IGF2BP3: variants seen among roughly 807,000 people sequenced by gnomAD.
IGF2BP3 encodes the protein insulin like growth factor 2 mRNA binding protein 3.
Under a neutral mutation model 73.8 loss-of-function variants are expected in IGF2BP3, and 9 were observed. The ratio of observed to expected loss-of-function variants is 0.12; its 90% CI spans 0.07 to 0.21. The LOEUF is 0.21. Among genes scored for constraint, IGF2BP3 ranks in the 10% least tolerant of loss-of-function variants. The probability of loss-of-function intolerance (pLI) is 1.00; values close to 1 mark genes in which losing one functional copy is unlikely to be tolerated. For missense variants in IGF2BP3, 542 were observed against 714.0 expected, an observed-to-expected ratio of 0.76 and a Z score of 2.75; for synonymous variants, 258 against 256.7, an observed-to-expected ratio of 1.01 and a Z score of -0.05.
chr7:23,451,865 T>C (rs1156397176), intron 2 of IGF2BP3, among the ~76,000 whole-genome samples: 1 of 150,658 alleles, frequency 6.6e-6, no homozygotes, highest in Non-Finnish European at 1.5e-5. Context: ...GGAGAATCAC[T>C]TGAACACGGG....
chr7:23,319,216 A>G lies in IGF2BP3; in HGVS notation c.1242T>C (p.Ala414=), dbSNP rs201829652. The G allele has an allele frequency of 1.9e-4, 310 of 1,613,594 alleles. No individual in the cohort carries two copies. The highest frequency in any genetic ancestry group is 2.5e-4 in the Non-Finnish European group (299 of 1,179,790). Residue 414 remains alanine (A), a synonymous_variant, in exon 11 of 15, where the codon GCT becomes GCC. Coordinates refer to ENST00000258729, the MANE Select transcript of IGF2BP3 (RefSeq NM_006547.3). The part of the protein sequence containing the change: ...ETETVHLFIP[A]LSVGAIIGKQ... ...TGCCGATGATGGCACCGACTGATAG[A>G]GCTGGGATAAACAGATGAACAGTCT...
intron 2 of IGF2BP3, among the ~76,000 whole-genome samples, chr7:23,448,314 T>G (rs748126443): frequency 6.6e-6 from 1 of 152,242 alleles, no homozygotes; most frequent in Admixed American, 6.5e-5. Flanking sequence ...AGAACTTAAG[T>G]GTATCGATAG....
chr7:23,399,168 T>C (rs1337947620), intron 3 of IGF2BP3, among the ~76,000 whole-genome samples: 1 of 152,104 alleles, frequency 6.6e-6, no homozygotes, highest in Non-Finnish European at 1.5e-5. Flanking sequence ...AAATAGGGAA[T>C]CCTTTCCCCA....
chr7:23,316,535 C>CGTGGG, intron 12 of IGF2BP3, among the ~76,000 whole-genome samples: 1 of 151,970 alleles, frequency 6.6e-6, no homozygotes, highest in Admixed American at 6.6e-5. Flanking sequence ...ATTGGCTGGG[C>CGTGGG]GTGGCGGCAC....
intron 3 of IGF2BP3, among the ~76,000 whole-genome samples, chr7:23,384,335 G>T (rs1288535127): frequency 2.0e-5 from 3 of 151,962 alleles, no homozygotes; most frequent in African/African-American, 7.3e-5. Flanking sequence ...ATATCTGAAG[G>T]GTGCAGAATT....
rs1584052707 is a variant in IGF2BP3 at position 23,445,497 on chromosome 7, A to ATTACTTAGTATGACTAAGTAAAACTACTT, written c.236+22956_236+22984dup. The stretch of plus-strand genomic sequence containing the variant: ...GGGTGTTTCGTATACACTATAGAGT[A>ATTACTTAGTATGACTAAGTAAAACTACTT]TTACTTAGTATGACTAAGTAAAACT... On this transcript the variant is annotated intron_variant, in intron 2 of 14. Transcript: ENST00000258729. Among the ~76,000 whole-genome samples, 27 of 151,972 alleles carry ATTACTTAGTATGACTAAGTAAAACTACTT rather than the reference A, an allele frequency of 1.8e-4. No homozygotes were observed. The South Asian group carries it at 2.7e-3, about 15-fold the overall frequency.
intron 3 of IGF2BP3, among the ~76,000 whole-genome samples, chr7:23,397,192 C>A (rs977440084): frequency 6.6e-6 from 1 of 152,068 alleles, no homozygotes; most frequent in Admixed American, 6.6e-5. Context: ...TGTTTTTTTG[C>A]GAGTTCAGAG....
chr7:23,324,434 T>A (rs1477842819), intron 10 of IGF2BP3, among the ~76,000 whole-genome samples: 45 of 147,070 alleles, frequency 3.1e-4, no homozygotes, highest in African/African-American at 1.1e-3. Context: ...AATCAATAGC[T>A]TACCAACCAA....
At chr7:23,415,898 T>A (rs1376508237) in intron 3 of IGF2BP3, among the ~76,000 whole-genome samples, 1 of 152,260 alleles carries the variant, frequency 6.6e-6, no homozygotes, top group Non-Finnish European at 1.5e-5. Context: ...TCTGTGCTCC[T>A]GCCTGGATCT....
intron 2 of IGF2BP3, among the ~76,000 whole-genome samples, chr7:23,421,321 A>G (rs907156878): frequency 4.0e-5 from 6 of 151,168 alleles, no homozygotes; most frequent in Non-Finnish European, 8.9e-5. Flanking sequence ...TATTTTCTAT[A>G]AAAGGTTTAA....
At chr7:23,335,593 G>T (rs1257618548) in intron 10 of IGF2BP3, among the ~76,000 whole-genome samples, 1 of 151,958 alleles carries the variant, frequency 6.6e-6, no homozygotes, top group Non-Finnish European at 1.5e-5. Flanking sequence ...TTCTTAAAGA[G>T]TACCTTAAGC....
At chr7:23,381,012 T>G (rs988895043) in intron 3 of IGF2BP3, among the ~76,000 whole-genome samples, 2 of 152,210 alleles carry the variant, frequency 1.3e-5, no homozygotes, top group Non-Finnish European at 2.9e-5. Context: ...CAGGGGCTTG[T>G]TTTTACTGTG....
At chr7:23,444,027 CA>C (rs1268398725) in intron 2 of IGF2BP3, among the ~76,000 whole-genome samples, 2 of 151,610 alleles carry the variant, frequency 1.3e-5, no homozygotes, top group East Asian at 1.9e-4. Context: ...AAATACAAAA[CA>C]AAAAAAACAC....
intron 10 of IGF2BP3, among the ~76,000 whole-genome samples, chr7:23,320,212 C>T (rs1784098797): frequency 6.6e-6 from 1 of 151,964 alleles, no homozygotes; most frequent in Non-Finnish European, 1.5e-5. Context: ...GCGCCCAGCC[C>T]CCTTTGCATT....
intron 10 of IGF2BP3, among the ~76,000 whole-genome samples, chr7:23,330,922 C>T (rs900707733): frequency 2.6e-5 from 4 of 152,146 alleles, no homozygotes; most frequent in East Asian, 1.9e-4. Context: ...CTCAGCCTCC[C>T]GAATAGCTGG....
intron 2 of IGF2BP3, among the ~76,000 whole-genome samples, chr7:23,433,307 T>A (rs1294165810): frequency 6.6e-6 from 1 of 151,986 alleles, no homozygotes; most frequent in Non-Finnish European, 1.5e-5. Flanking sequence ...CTCTGTCCAA[T>A]AAAGAAGCCA....
At chr7:23,320,886 G>T (rs115147760) in intron 10 of IGF2BP3, among the ~76,000 whole-genome samples, 5,661 of 145,182 alleles carry the variant, frequency 0.039, 352 homozygotes, top group African/African-American at 0.13. Context: ...GGTGGTTCAG[G>T]ATGCAGTGAG....
chr7:23,342,639 C>A (rs955541037), intron 9 of IGF2BP3, among the ~76,000 whole-genome samples: 2 of 152,132 alleles, frequency 1.3e-5, no homozygotes, highest in African/African-American at 4.8e-5. Context: ...GGTCTAGAGG[C>A]CTCAAAGTTG....
At chr7:23,380,787 A>G (rs1785886147) in intron 3 of IGF2BP3, among the ~76,000 whole-genome samples, 1 of 152,204 alleles carries the variant, frequency 6.6e-6, no homozygotes, top group African/African-American at 2.4e-5. Context: ...AAAGGCAGAG[A>G]CTGGGATGAT....
Sources: allele counts gnomAD v4.1 joint callset (sites outside exome capture counted in the v4.1 genomes callset), GRCh38; gene constraint gnomAD v4.1.1; transcripts MANE v1.5; gene names NCBI Gene and HGNC (gene_info 2026-07-23, HGNC 2026-07-21).